Variants in CLASP1 observed in about 807,000 individuals in gnomAD.
The protein encoded by CLASP1 is CLIP-associating protein 1.
Under a neutral mutation model 192.3 loss-of-function variants are expected in CLASP1, and 38 were observed. That is an observed-to-expected ratio of 0.20 (90% confidence interval 0.15 to 0.26). The LOEUF is 0.26. Among genes scored for constraint, CLASP1 ranks in the 10% least tolerant of loss-of-function variants. CLASP1 has a pLI of 1.00. For synonymous variants in CLASP1, 691 were observed against 712.8 expected (o/e 0.97, Z 0.49); for missense variants, 1,433 against 1,932.5 (o/e 0.74, Z 4.85).
intron 2 of CLASP1, among the ~76,000 whole-genome samples, chr2:121,539,531 T>A (rs953171246): frequency 6.6e-5 from 10 of 152,076 alleles, no homozygotes; most frequent in Admixed American, 6.5e-4. Context: ...AGCAAAGCAA[T>A]AAACCTTTTA....
At chr2:121,569,284 T>C (rs907113012) in intron 2 of CLASP1, among the ~76,000 whole-genome samples, 3 of 152,096 alleles carry the variant, frequency 2.0e-5, no homozygotes, top group African/African-American at 7.2e-5. Flanking sequence ...GAGACCCAAA[T>C]GATAGGATAT....
At chr2:121,526,305 G>T (rs949418039) in intron 5 of CLASP1, among the ~76,000 whole-genome samples, 1 of 152,198 alleles carries the variant, frequency 6.6e-6, no homozygotes, top group African/African-American at 2.4e-5. Context: ...TAATTCTCCC[G>T]TGTGCTGTGG....
In CLASP1 at chr2:121,597,316, GC is replaced by G. The variant is rs572381899; in HGVS notation, c.195+8384del. Among the ~76,000 whole-genome samples, 116 of 152,250 alleles carry G rather than the reference GC, an allele frequency of 7.6e-4. 1 individual carries two copies. Among genetic ancestry groups the G allele is most frequent in the African/African-American group, 2.6e-3 (110 of 41,548 alleles). ...GCACAATTTCTGGCTCACAGTAAAT[GC>G]ACCACAGCCATAGACTATCATTATT... On this transcript the variant is annotated intron_variant, in intron 2 of 39. Coordinates refer to ENST00000263710, the Ensembl canonical transcript of CLASP1.
intron 19 of CLASP1, among the ~76,000 whole-genome samples, chr2:121,431,870 C>T (rs757440134): frequency 6.6e-5 from 10 of 151,338 alleles, no homozygotes; most frequent in Non-Finnish European, 1.3e-4. Context: ...TACTATTTTG[C>T]TAATATTTTA....
chr2:121,638,187 A>ATGAG (rs1341415361), intron 1 of CLASP1, among the ~76,000 whole-genome samples: 1 of 152,158 alleles, frequency 6.6e-6, no homozygotes, highest in Non-Finnish European at 1.5e-5. Context: ...AGACATACAA[A>ATGAG]TGACCGATAA....
At chr2:121,581,066 G>A (rs1559672725) in intron 2 of CLASP1, among the ~76,000 whole-genome samples, 5 of 152,070 alleles carry the variant, frequency 3.3e-5, no homozygotes, top group Non-Finnish European at 2.9e-5. Context: ...CGTGAGGAAG[G>A]AAGATTCACT....
At chr2:121,478,895 ACACAC>A (rs1559369113) in intron 8 of CLASP1, among the ~76,000 whole-genome samples, 14 of 61,800 alleles carry the variant, frequency 2.3e-4, no homozygotes, top group East Asian at 1.5e-3. Context: ...CACCACACAC[ACACAC>A]CACACCACAC....
chr2:121,440,487 T>C (rs1421689272), intron 19 of CLASP1, among the ~76,000 whole-genome samples: 5 of 152,036 alleles, frequency 3.3e-5, no homozygotes, highest in African/African-American at 9.7e-5. Context: ...GTCACTTGAG[T>C]CCAGGAGTTC....
At position 121,492,025 on chromosome 2, in the gene CLASP1, A is replaced by G. The variant is rs141442428; in HGVS notation, c.712+11142T>C. ...CAGAACGTTTCTTACTCAAAAGTGCACTGTTGTTCACAAGCAACAAAAGAA... is the reference window on the plus strand; with the variant it reads ...CAGAACGTTTCTTACTCAAAAGTGCGCTGTTGTTCACAAGCAACAAAAGAA... On this transcript the variant is annotated intron_variant, in intron 8 of 39. Transcript: ENST00000263710. Among the ~76,000 whole-genome samples, 135 of 152,328 alleles carry G rather than the reference A, an allele frequency of 8.9e-4. 2 individuals are homozygous for G. Among genetic ancestry groups the G allele is most frequent in the African/African-American group, 3.0e-3 (126 of 41,578 alleles).
chr2:121,352,985 T>C (rs2064779213), intron 37 of CLASP1, among the ~76,000 whole-genome samples: 1 of 152,136 alleles, frequency 6.6e-6, no homozygotes, highest in Non-Finnish European at 1.5e-5. Flanking sequence ...TTCACAGTTA[T>C]CTGAATTGAG....
rs1453779743 is a variant in CLASP1 at position 121,574,580 on chromosome 2, AG to A, written c.195+31120del. The stretch of plus-strand genomic sequence containing the variant: ...AACCAGGGAAGTGGAGGTGGCAGTG[AG>A]CCAAGATTGTGCCACTGCACTCCAG... On this transcript the variant is annotated intron_variant, in intron 2 of 39. Coordinates refer to ENST00000263710, the Ensembl canonical transcript of CLASP1. Among the ~76,000 whole-genome samples the A allele has an allele frequency of 5.6e-5, 8 of 144,112 alleles. No individual in the cohort carries two copies. The South Asian group carries it at 1.8e-3, about 32-fold the overall frequency. 94.5% of individuals were successfully genotyped at this position (144,112 alleles called of 152,430 possible).
intron 8 of CLASP1, among the ~76,000 whole-genome samples, chr2:121,487,175 G>C (rs2093028921): frequency 1.3e-5 from 2 of 152,014 alleles, no homozygotes; most frequent in South Asian, 4.2e-4. Context: ...ATAAGCACTG[G>C]GTGTGGTCAG....
At position 121,474,691 on chromosome 2, in the gene CLASP1, G is replaced by A. The variant is rs535302097; in HGVS notation, c.713-4731C>T. 1.2e-4 allele frequency among the ~76,000 whole-genome samples: 19 copies of A among 152,236 alleles called. No individual in the cohort carries two copies. The South Asian group carries it at 1.9e-3, about 15-fold the overall frequency. ...GCAGAGGTTGCAGTGAGCCAAGATC[G>A]CATCACTGCCCTCCAGCGTGGGTGA... On this transcript the variant is annotated intron_variant, in intron 8 of 39. Coordinates refer to ENST00000263710, the Ensembl canonical transcript of CLASP1.
At chr2:121,363,472 C>T (rs1216987253) in intron 36 of CLASP1, among the ~76,000 whole-genome samples, 172 bp from the exon 38 acceptor site, 1 of 152,144 alleles carries the variant, frequency 6.6e-6, no homozygotes, top group East Asian at 1.9e-4. Context: ...TTGACACTGG[C>T]TCTCTAGACA....
chr2:121,531,084 C>G lies in CLASP1; in HGVS notation c.196-759G>C, dbSNP rs537888709. ...ATAAACTAGTACTTTGTGGTTAAAC[C>G]AGTAGAGGGTGCACAAGACGCGTGG... On this transcript the variant is annotated intron_variant, in intron 2 of 39. Transcript: ENST00000263710. 54 of 671,348 alleles carry G rather than the reference C, an allele frequency of 8.0e-5. No homozygotes were observed. In the African/African-American group the frequency reaches 8.3e-4, roughly 10 times the overall value. The allele number at this position is 671,348 out of a possible 1,614,324, so 41.6% of individuals were successfully genotyped here.
At chr2:121,625,042 G>A (rs370629609) in intron 1 of CLASP1, among the ~76,000 whole-genome samples, 27 of 152,138 alleles carry the variant, frequency 1.8e-4, no homozygotes, top group East Asian at 1.4e-3. Context: ...ATTTCCATCC[G>A]TTAAATTAAT....
At chr2:121,372,025 C>T (rs1482065018) in intron 34 of CLASP1, among the ~76,000 whole-genome samples, 1 of 152,174 alleles carries the variant, frequency 6.6e-6, no homozygotes, top group Non-Finnish European at 1.5e-5. Context: ...ACTGTAACTA[C>T]GTGTAAAGTT....
intron 2 of CLASP1, among the ~76,000 whole-genome samples, chr2:121,536,465 A>T (rs1343311391): frequency 6.6e-6 from 1 of 152,108 alleles, no homozygotes; most frequent in Non-Finnish European, 1.5e-5. Flanking sequence ...ACCCAAAAGA[A>T]GTAAAAGCAG....
At chr2:121,581,260 CTTTTTTTTT>C (rs60345742) in intron 2 of CLASP1, among the ~76,000 whole-genome samples, 4 of 57,668 alleles carry the variant, frequency 6.9e-5, no homozygotes, top group Non-Finnish European at 9.0e-5. Context: ...GCCTTTTGTT[CTTTTTTTTT>C]TTTTTTTTTT....
Sources: gnomAD v4.1 joint callset for allele counts (sites outside exome capture counted in the v4.1 genomes callset) on GRCh38, gnomAD v4.1.1 for gene constraint, MANE v1.5 for transcripts, NCBI Gene and HGNC (gene_info 2026-07-23, HGNC 2026-07-21) for gene names.